Variants in KIF5B observed in about 807,000 individuals in gnomAD.
KIF5B encodes the protein kinesin family member 5B.
A neutral mutation model predicts 132.8 loss-of-function variants in KIF5B; 49 were observed. The ratio of observed to expected loss-of-function variants is 0.37; its 90% confidence interval spans 0.29 to 0.47. KIF5B has a LOEUF of 0.47. Ranked by LOEUF, KIF5B falls within the 20% of genes least tolerant of loss-of-function variation. The pLI is 1.00. For missense variants in KIF5B, 780 were observed against 1,144.0 expected (o/e 0.68, Z 4.59); for synonymous variants, 355 against 369.4 (o/e 0.96, Z 0.45).
chr10:32,019,611 G>A (rs1841230583), intron 20 of KIF5B, among the ~76,000 whole-genome samples: 1 of 152,148 alleles, frequency 6.6e-6, no homozygotes, highest in South Asian at 2.1e-4. Flanking sequence ...TAAAGAAACA[G>A]CAAGCAGATT....
chr10:32,036,138 A>G, intron 8 of KIF5B, 144 bp from the exon 9 acceptor site: 1 of 511,758 alleles, frequency 2.0e-6, no homozygotes, highest in South Asian at 3.6e-5. Flanking sequence ...TGCCAAGCAT[A>G]CCACCATTTC....
rs188274929 is a variant in KIF5B, at chr10:32,044,514, A to G, written c.214+3950T>C. ...TGGAGGAACCCTGTCTCTACTAGTA[A>G]CACAAAAATTAGCAGGGTGTGGTGG... On this transcript the variant is annotated intron_variant, in intron 2 of 25. Coordinates refer to ENST00000302418, the MANE Select transcript of KIF5B (RefSeq NM_004521.3). Among the ~76,000 whole-genome samples, 307 of 152,280 alleles carry G rather than the reference A, an allele frequency of 2.0e-3. 2 individuals are homozygous for G. Among genetic ancestry groups the G allele is most frequent in the Middle Eastern group, 0.01 (3 of 294 alleles).
intron 3 of KIF5B, 23 bp from the exon 4 acceptor site, chr10:32,039,454 C>G: frequency 1.0e-6 from 1 of 992,220 alleles, no homozygotes; most frequent in Non-Finnish European, 1.5e-6. Context: ...CAAAACTAGA[C>G]TTCTTAAATA....
intron 6 of KIF5B, among the ~76,000 whole-genome samples, chr10:32,037,865 A>T (rs903647097): frequency 6.6e-6 from 1 of 152,028 alleles, no homozygotes; most frequent in South Asian, 2.1e-4. Context: ...TAATCCCAGC[A>T]CTTTGGGAGG....
intron 25 of KIF5B, among the ~76,000 whole-genome samples, chr10:32,012,453 ATTAT>A (rs1841096904): frequency 6.6e-6 from 1 of 152,172 alleles, no homozygotes; most frequent in South Asian, 2.1e-4. Context: ...TCCAGTGCAA[ATTAT>A]TTAACATTTA....
In KIF5B at chr10:32,009,626, A is replaced by C. The variant is rs576257899; in HGVS notation, c.*1911T>G. ...AGCACCAATACCCATGATACATCTT[A>C]CAAGAACAAAACTAACATATTTGGA... is the stretch of plus-strand genomic sequence containing the variant. On this transcript the variant is annotated 3_prime_UTR_variant, in exon 26 of 26. Coordinates refer to ENST00000302418, the MANE Select transcript of KIF5B (RefSeq NM_004521.3). 34 of 152,338 alleles carry C rather than the reference A, an allele frequency of 2.2e-4. No individual in the cohort carries two copies. Among genetic ancestry groups the C allele is most frequent in the Admixed American group, 9.2e-4 (14 of 15,292 alleles). 9.4% of individuals were successfully genotyped at this position (152,338 alleles called of 1,614,324 possible). A position where few individuals can be genotyped will look rare whatever the true frequency, so the allele number is the denominator to read the frequency against.
intron 2 of KIF5B, among the ~76,000 whole-genome samples, 169 bp from the exon 3 acceptor site, chr10:32,040,626 A>AACACACACACAC (rs72393080): frequency 6.5e-4 from 92 of 142,176 alleles, no homozygotes; most frequent in South Asian, 2.0e-3. Flanking sequence ...AACACCCTAA[A>AACACACACACAC]ACACACACAC....
intron 14 of KIF5B, among the ~76,000 whole-genome samples, chr10:32,030,157 T>G (rs1418795454): frequency 6.6e-6 from 1 of 152,208 alleles, no homozygotes; most frequent in Admixed American, 6.5e-5. Flanking sequence ...TAGCTATGTA[T>G]TATTTCTGTC....
chr10:32,049,286 A>G (rs1273839944), intron 1 of KIF5B, among the ~76,000 whole-genome samples: 1 of 152,224 alleles, frequency 6.6e-6, no homozygotes, highest in Non-Finnish European at 1.5e-5. Flanking sequence ...ATTCTGACTC[A>G]TGCAATTGAG....
chr10:32,013,074 T>C (rs530453088), intron 25 of KIF5B, among the ~76,000 whole-genome samples: 2 of 151,994 alleles, frequency 1.3e-5, no homozygotes, highest in Non-Finnish European at 2.9e-5. Context: ...GCTGATTTTG[T>C]ATTTTTAGTA....
Position 32,055,914 on chromosome 10 carries a change from C to T in KIF5B, c.60G>A (p.Glu20=), listed in dbSNP as rs1564472867. The T allele has an allele frequency of 6.2e-7, 1 of 1,612,688 alleles. No homozygotes were observed. Among genetic ancestry groups the T allele is most frequent in the Non-Finnish European group, 8.5e-7 (1 of 1,179,944 alleles). The change falls in exon 1 of 26, where the codon GAG becomes GAA. Residue 20 remains glutamate (E), a synonymous_variant. Transcript: ENST00000302418. ...ACTTGTCGCCGCGGTTCACTTCAGACTCGTTGAGAGGTCTGAAGCGACACA... is the reference window on the plus strand; with the variant it reads ...ACTTGTCGCCGCGGTTCACTTCAGATTCGTTGAGAGGTCTGAAGCGACACA... ...KVMCRFRPLN[E]SEVNRGDKYI...
chr10:32,017,229 C>T lies in KIF5B; in HGVS notation c.2675G>A (p.Arg892His), dbSNP rs1177616671. 6 of 1,614,190 alleles carry T rather than the reference C, an allele frequency of 3.7e-6. No homozygotes were observed. Among genetic ancestry groups the T allele is most frequent in the African/African-American group, 2.7e-5 (2 of 75,064 alleles). ...ATCTACTTCTTGCTGATAGCGTTTG[C>T]GATCACGAGATGCATTTTCTTTAGC... ...KEAKENASRDRKRYQQEVDRI... is the reference protein window; with the variant it reads ...KEAKENASRDHKRYQQEVDRI... The change falls in exon 24 of 26, where the codon CGC (arginine) becomes CAC (histidine). Residue 892 changes from arginine to histidine, a missense_variant. By Grantham distance (29) the Arg-to-His change is conservative. Coordinates refer to ENST00000302418, the MANE Select transcript of KIF5B (RefSeq NM_004521.3).
intron 1 of KIF5B, among the ~76,000 whole-genome samples, chr10:32,055,303 T>C (rs1841739457): frequency 6.6e-6 from 1 of 152,178 alleles, no homozygotes; most frequent in Admixed American, 6.5e-5. Flanking sequence ...GTATAGATAA[T>C]ATTTGTACCT....
intron 25 of KIF5B, among the ~76,000 whole-genome samples, chr10:32,012,558 G>A (rs943789815): frequency 7.2e-5 from 11 of 152,138 alleles, no homozygotes; most frequent in African/African-American, 2.7e-4. Context: ...ACTATCTTTG[G>A]ACCAGCATCA....
At chr10:32,032,583 T>C (rs1841415528) in intron 13 of KIF5B, 123 bp downstream of exon 13, 1 of 745,184 alleles carries the variant, frequency 1.3e-6, no homozygotes, top group Non-Finnish European at 2.4e-6. Context: ...CCATGTGACA[T>C]TCTTATTCCC....
At position 32,018,043 on chromosome 10, in the gene KIF5B, C is replaced by T. The variant is rs756357900; in HGVS notation, c.2544+9G>A. On this transcript the variant is annotated intron_variant, in intron 23 of 25. Coordinates refer to ENST00000302418, the MANE Select transcript of KIF5B (RefSeq NM_004521.3). ...TCTTGCAGCTACCAGAAAATATACT[C>T]TTTAGTACCTGTTTGTGCACTTTAG... is the stretch of plus-strand genomic sequence containing the variant. The T allele has an allele frequency of 1.3e-6, 2 of 1,497,816 alleles. No individual in the cohort carries two copies. The highest frequency in any genetic ancestry group is 9.2e-7 in the Non-Finnish European group (1 of 1,083,570). 92.8% of individuals were successfully genotyped at this position (1,497,816 alleles called of 1,614,324 possible).
intron 10 of KIF5B, 78 bp from the exon 11 acceptor site, chr10:32,034,916 T>C: frequency 9.2e-7 from 1 of 1,083,868 alleles, no homozygotes; most frequent in Non-Finnish European, 1.2e-6. Context: ...TATATGTATA[T>C]ATGGCTAAGA....
intron 15 of KIF5B, among the ~76,000 whole-genome samples, chr10:32,027,499 T>C (rs1029398366): frequency 6.6e-6 from 1 of 152,102 alleles, no homozygotes; most frequent in Non-Finnish European, 1.5e-5. Context: ...ATGTTTGAAA[T>C]TTTTCACACT....
Position 32,034,787 on chromosome 10 carries a change from T to A in KIF5B, c.1014A>T (p.Glu338Asp), listed in dbSNP as rs1841443582. The A allele has an allele frequency of 6.2e-7, 1 of 1,609,044 alleles. No homozygotes were observed. The highest frequency in any genetic ancestry group is 8.5e-7 in the Non-Finnish European group (1 of 1,177,832). The change falls in exon 11 of 26, where the codon GAA (glutamate) becomes GAT (aspartate). Residue 338 changes from glutamate to aspartate, a missense_variant. Transcript: ENST00000302418. ...TVCVNVELTAEQWKKKYEKEK... is the reference protein window; with the variant it reads ...TVCVNVELTADQWKKKYEKEK... ...CTTTTTCATACTTCTTTTTCCACTG[T>A]TCTGCAGTTAACTCCACATTGACAC...
Sources: allele counts gnomAD v4.1 joint callset (sites outside exome capture counted in the v4.1 genomes callset), GRCh38; gene constraint gnomAD v4.1.1; transcripts MANE v1.5; gene names NCBI Gene and HGNC (gene_info 2026-07-23, HGNC 2026-07-21).